Variants in CD59 observed in about 807,000 individuals in gnomAD.
The protein encoded by CD59 is CD59 molecule (CD59 blood group).
In CD59, 3 loss-of-function variants were observed where a neutral mutation model predicts 7.0. The ratio of observed to expected loss-of-function variants is 0.43; its 90% CI spans 0.19 to 1.10. CD59 has a LOEUF of 1.10. Ranked by LOEUF, CD59 falls within the 50% of genes least tolerant of loss-of-function variation. The pLI is 0.29. For missense variants in CD59, 143 were observed against 151.0 expected, an observed-to-expected ratio of 0.95 and a Z score of 0.28; for synonymous variants, 60 against 62.0, an observed-to-expected ratio of 0.97 and a Z score of 0.15.
intron 2 of CD59, among the ~76,000 whole-genome samples, chr11:33,721,983 A>C (rs1854086403): frequency 6.6e-6 from 1 of 150,582 alleles, no homozygotes; most frequent in Non-Finnish European, 1.5e-5. Context: ...TCATCATTAA[A>C]ACACAGGAGG....
intron 1 of CD59, among the ~76,000 whole-genome samples, chr11:33,726,810 AAATAGACGC>A (rs1301178345): frequency 6.6e-6 from 1 of 152,196 alleles, no homozygotes; most frequent in African/African-American, 2.4e-5. Flanking sequence ...GAGAAGAATC[AAATAGACGC>A]AATAAAAAAT....
rs570164271 is a variant in CD59 at position 33,720,684 on chromosome 11, G to A, written c.67+1695C>T. On this transcript the variant is annotated intron_variant, in intron 2 of 3. Transcript: ENST00000642928. ...ACGGAGGTTGCAGTGAGCCGAGATC[G>A]CGCCACTGCGCTCCAGCCTGGGCGA... Among the ~76,000 whole-genome samples, 6 of 152,314 alleles carry A rather than the reference G, an allele frequency of 3.9e-5. No homozygotes were observed. The South Asian group carries it at 8.3e-4, about 21-fold the overall frequency.
intron 1 of CD59, among the ~76,000 whole-genome samples, chr11:33,725,144 T>C (rs1854216899): frequency 6.6e-6 from 1 of 152,118 alleles, no homozygotes; most frequent in South Asian, 2.1e-4. Flanking sequence ...TCCCCAAATA[T>C]TCTATAATTA....
intron 3 of CD59, among the ~76,000 whole-genome samples, chr11:33,710,717 TC>T (rs1853508276): frequency 6.8e-6 from 1 of 148,000 alleles, no homozygotes; most frequent in African/African-American, 2.6e-5. Context: ...TTTTTCCTTT[TC>T]TTTTCTTTTT....
intron 1 of CD59, chr11:33,731,358 A>G (rs2133573642): frequency 6.6e-6 from 1 of 152,310 alleles, no homozygotes; most frequent in Non-Finnish European, 1.5e-5. Context: ...AATTGAACAT[A>G]AAACATTTAA....
chr11:33,721,567 A>C (rs2133556315), intron 2 of CD59, among the ~76,000 whole-genome samples: 1 of 152,378 alleles, frequency 6.6e-6, no homozygotes, highest in South Asian at 2.1e-4. Flanking sequence ...AACATGACAC[A>C]GGCAGACAAC....
intron 1 of CD59, among the ~76,000 whole-genome samples, chr11:33,729,440 T>C (rs891698447): frequency 2.6e-5 from 4 of 151,872 alleles, no homozygotes; most frequent in African/African-American, 7.3e-5. Flanking sequence ...CACCACATGT[T>C]CTCACTTGTC....
chr11:33,717,235 C>T (rs1290105540), intron 3 of CD59, 135 bp downstream of exon 3: 2 of 699,546 alleles, frequency 2.9e-6, no homozygotes, highest in African/African-American at 1.8e-5. Context: ...AAGTGCTTAG[C>T]CCAATACACA....
intron 2 of CD59, among the ~76,000 whole-genome samples, chr11:33,721,473 C>T (rs831630): frequency 0.37 from 55,946 of 152,062 alleles, 11,094 homozygotes; most frequent in African/African-American, 0.5. Context: ...AAATTGCTCA[C>T]TGTATTGCCA....
chr11:33,723,565 G>C (rs777597113), intron 1 of CD59, among the ~76,000 whole-genome samples: 2 of 152,326 alleles, frequency 1.3e-5, no homozygotes, highest in African/African-American at 2.4e-5. Context: ...TATGATATGT[G>C]AGGAACCAGG....
rs919984048 is a variant in CD59, at chr11:33,708,465, C to G, written c.*1661G>C. ...AGTGTGGCTGAATTCCCCACCCCCCCGCCCCCAAAAAAGTTCCCAGAAATT... is the reference window on the plus strand; with the variant it reads ...AGTGTGGCTGAATTCCCCACCCCCCGGCCCCCAAAAAAGTTCCCAGAAATT... On this transcript the variant is annotated 3_prime_UTR_variant, in exon 4 of 4. Transcript: ENST00000642928. The G allele has an allele frequency of 1.4e-5, 2 of 139,522 alleles. No homozygotes were observed. 8.6% of individuals were successfully genotyped at this position (139,522 alleles called of 1,614,324 possible).
At chr11:33,722,249 ACCTGT>A in intron 2 of CD59, 125 bp downstream of exon 2, 1 of 735,776 alleles carries the variant, frequency 1.4e-6, no homozygotes, top group Non-Finnish European at 2.5e-6. Flanking sequence ...ACAACCCCAG[ACCTGT>A]AACACTGGAA....
chr11:33,717,459 T>C lies in CD59; in HGVS notation c.80A>G (p.Gln27Arg). The C allele has an allele frequency of 6.2e-7, 1 of 1,605,906 alleles. No individual in the cohort carries two copies. The highest frequency in any genetic ancestry group is 8.5e-7 in the Non-Finnish European group (1 of 1,172,560). ...AVFCHSGHSL[Q>R]CYNCPNPTAD... ...AGTTGGGTTAGGACAGTTGTAGCAC[T>C]GCAGGCTATGACCTAGAATCAGGAA... Residue 27 changes from glutamine to arginine, a missense_variant, in exon 3 of 4, where the codon CAG becomes CGG. Coordinates refer to ENST00000642928, the MANE Select transcript of CD59 (RefSeq NM_000611.6).
chr11:33,710,084 C>T lies in CD59; in HGVS notation c.*42G>A, dbSNP rs370698576. On this transcript the variant is annotated 3_prime_UTR_variant, in exon 4 of 4. Coordinates refer to ENST00000642928, the MANE Select transcript of CD59 (RefSeq NM_000611.6). ...TGTGGCAGCAAGAGAAAGCGGACTA[C>T]GCAGGAACGGGGAGTTTGGGAGAAG... 2.3e-4 allele frequency: 330 copies of T among 1,421,418 alleles called. 1 individual carries two copies. Among genetic ancestry groups the T allele is most frequent in the Admixed American group, 5.4e-4 (30 of 55,330 alleles). The allele number at this position is 1,421,418 out of a possible 1,614,324, so 88.1% of individuals were successfully genotyped here.
chr11:33,720,620 TCAGAAGACTGAGG>T (rs1434226766), intron 2 of CD59, among the ~76,000 whole-genome samples: 1 of 152,032 alleles, frequency 6.6e-6, no homozygotes, highest in African/African-American at 2.4e-5. Context: ...TCCCAGCTAC[TCAGAAGACTGAGG>T]CAGGAGAATC....
rs977304706 is a variant in CD59 at position 33,708,352 on chromosome 11, C to T, written c.*1774G>A. The T allele has an allele frequency of 1.3e-5, 2 of 152,140 alleles. No homozygotes were observed. Among genetic ancestry groups the T allele is most frequent in the Non-Finnish European group, 2.9e-5 (2 of 68,032 alleles). The allele number at this position is 152,140 out of a possible 1,614,324, so 9.4% of individuals were successfully genotyped here. ...GTGTAGTCTGGCCAAAAAGTGGGTA[C>T]ATGACACAAGATAGCAGTAAGCCAA... is the stretch of plus-strand genomic sequence containing the variant. On this transcript the variant is annotated 3_prime_UTR_variant, in exon 4 of 4. Coordinates refer to ENST00000642928, the MANE Select transcript of CD59 (RefSeq NM_000611.6).
intron 2 of CD59, among the ~76,000 whole-genome samples, chr11:33,722,128 G>A (rs1229061679): frequency 1.3e-5 from 2 of 152,066 alleles, no homozygotes; most frequent in African/African-American, 2.4e-5. Context: ...AACTTCAGCC[G>A]CCGATTGTTG....
chr11:33,731,447 C>T (rs1004005894), intron 1 of CD59: 4 of 152,266 alleles, frequency 2.6e-5, no homozygotes, highest in Admixed American at 1.3e-4. Context: ...GTCTCAACTC[C>T]TACACCAACT....
In CD59 at chr11:33,717,387, C is replaced by A. The variant is rs1564972771; in HGVS notation, c.152G>T (p.Cys51Phe). 3.7e-6 allele frequency: 6 copies of A among 1,612,006 alleles called. No homozygotes were observed. The highest frequency in any genetic ancestry group is 1.7e-5 in the Admixed American group (1 of 60,002). The part of the protein sequence containing the change: ...AVNCSSDFDA[C>F]LITKAGLQVY... ...GCTCTTACCAGCTTTGGTAATGAGA[C>A]ACGCATCAAAATCAGATGAACAATT... Residue 51 changes from cysteine (C) to phenylalanine (F), a missense_variant, in exon 3 of 4, where the codon TGT becomes TTT. Coordinates refer to ENST00000642928, the MANE Select transcript of CD59 (RefSeq NM_000611.6).
Sources: allele counts gnomAD v4.1 joint callset (sites outside exome capture counted in the v4.1 genomes callset), GRCh38; gene constraint gnomAD v4.1.1; transcripts MANE v1.5; gene names NCBI Gene and HGNC (gene_info 2026-07-23, HGNC 2026-07-21).